KIF6: variants seen among roughly 807,000 people sequenced by gnomAD.
KIF6 encodes kinesin-like protein KIF6.
A neutral mutation model predicts 112.7 loss-of-function variants in KIF6; 106 were observed. The ratio of observed to expected loss-of-function variants is 0.94; its 90% CI spans 0.80 to 1.11. The LOEUF (loss-of-function observed/expected upper bound fraction) is 1.11, where lower values mean the gene tolerates loss of function less well. Ranked by LOEUF, KIF6 falls within the 50% of genes least tolerant of loss-of-function variation. KIF6 has a pLI of 0.00. For missense variants in KIF6, 929 were observed against 964.0 expected (o/e 0.96, Z 0.48); for synonymous variants, 339 against 339.9 (o/e 1.00, Z 0.03).
chr6:39,436,862 T>G (rs1236377227), intron 13 of KIF6, among the ~76,000 whole-genome samples: 1 of 152,188 alleles, frequency 6.6e-6, no homozygotes, highest in Non-Finnish European at 1.5e-5. Flanking sequence ...CTTTTTTTGG[T>G]TCCATATTAA....
rs554015785 is a variant in KIF6, at chr6:39,591,665, C to T, written c.846+4389G>A. Among the ~76,000 whole-genome samples, 10 of 152,278 alleles carry T rather than the reference C, an allele frequency of 6.6e-5. No homozygotes were observed. The East Asian group carries it at 1.5e-3, about 24-fold the overall frequency. On this transcript the variant is annotated intron_variant, in intron 7 of 22. Coordinates refer to ENST00000287152, the MANE Select transcript of KIF6 (RefSeq NM_145027.6). ...GAGGAATACTATAAGCCCAGCCCAC[C>T]TGGAGCAGATGTAAAACTTTGGAAT...
intron 13 of KIF6, among the ~76,000 whole-genome samples, chr6:39,528,843 A>C (rs1429018970): frequency 6.6e-6 from 1 of 152,238 alleles, no homozygotes; most frequent in Non-Finnish European, 1.5e-5. Flanking sequence ...GAATTCCAAA[A>C]TCATTTTTCA....
chr6:39,639,123 T>C (rs1784776838), intron 4 of KIF6, among the ~76,000 whole-genome samples: 1 of 152,136 alleles, frequency 6.6e-6, no homozygotes, highest in South Asian at 2.1e-4. Flanking sequence ...CAATAAATGA[T>C]ACATATAATC....
At chr6:39,529,924 T>C (rs370637894) in intron 13 of KIF6, among the ~76,000 whole-genome samples, 63 of 152,394 alleles carry the variant, frequency 4.1e-4, no homozygotes, top group African/African-American at 1.4e-3. Flanking sequence ...TTAACTTTCA[T>C]GTCACCTGCT....
chr6:39,559,028 A>G (rs767582452), intron 10 of KIF6, among the ~76,000 whole-genome samples: 1 of 152,204 alleles, frequency 6.6e-6, no homozygotes, highest in Non-Finnish European at 1.5e-5. Flanking sequence ...TTTGGTTTTA[A>G]TATCTTCAAA....
chr6:39,627,055 G>GAA (rs1784129278), intron 5 of KIF6, among the ~76,000 whole-genome samples: 1 of 151,984 alleles, frequency 6.6e-6, no homozygotes, highest in African/African-American at 2.4e-5. Context: ...AATCTCCAAG[G>GAA]GCTACACCTT....
intron 20 of KIF6, among the ~76,000 whole-genome samples, chr6:39,346,081 T>TCTCTCTCCCTCTCC (rs1763719345): frequency 4.2e-5 from 1 of 23,898 alleles, no homozygotes. Flanking sequence ...TCTCTCTCTC[T>TCTCTCTCCCTCTCC]CTCTCCCCCC....
intron 15 of KIF6, among the ~76,000 whole-genome samples, chr6:39,404,858 T>C (rs1768974915): frequency 6.6e-6 from 1 of 151,822 alleles, no homozygotes. Flanking sequence ...TAGAGTTTGT[T>C]GGGTTTCAAT....
chr6:39,475,244 G>T (rs1403731985), intron 13 of KIF6, among the ~76,000 whole-genome samples: 3 of 152,144 alleles, frequency 2.0e-5, no homozygotes, highest in Non-Finnish European at 4.4e-5. Context: ...CCTCATATGG[G>T]TGTTCTGGGG....
At chr6:39,600,625 T>G (rs1442905333) in intron 6 of KIF6, among the ~76,000 whole-genome samples, 1 of 152,108 alleles carries the variant, frequency 6.6e-6, no homozygotes, top group African/African-American at 2.4e-5. Context: ...TACTCTCCAG[T>G]CACTTTCTCC....
chr6:39,363,748 C>T (rs371079538), intron 16 of KIF6, among the ~76,000 whole-genome samples: 1 of 152,132 alleles, frequency 6.6e-6, no homozygotes, highest in South Asian at 2.1e-4. Context: ...GTTATTATGC[C>T]CATTTTACAG....
intron 13 of KIF6, among the ~76,000 whole-genome samples, chr6:39,504,863 T>C (rs759178136): frequency 6.6e-6 from 1 of 152,152 alleles, no homozygotes; most frequent in Non-Finnish European, 1.5e-5. Flanking sequence ...TACAGACAAA[T>C]GGAAAAACAT....
In KIF6 at chr6:39,584,417, T is replaced by TACAAAAAAAAAAAAAAAAAAAAAAAAAA. The variant is rs1481333003; in HGVS notation, c.1077+480_1077+481insTTTTTTTTTTTTTTTTTTTTTTTTTTGT. Among the ~76,000 whole-genome samples, 10 of 46,064 alleles carry TACAAAAAAAAAAAAAAAAAAAAAAAAAA rather than the reference T, an allele frequency of 2.2e-4. 3 individuals are homozygous for TACAAAAAAAAAAAAAAAAAAAAAAAAAA. Among genetic ancestry groups the TACAAAAAAAAAAAAAAAAAAAAAAAAAA allele is most frequent in the Admixed American group, 6.1e-4 (2 of 3,254 alleles). The allele number at this position is 46,064 out of a possible 152,430, so 30.2% of individuals were successfully genotyped here. A position where few individuals can be genotyped will look rare whatever the true frequency, so the allele number is the denominator to read the frequency against. On this transcript the variant is annotated intron_variant, in intron 9 of 22. Coordinates refer to ENST00000287152, the MANE Select transcript of KIF6 (RefSeq NM_145027.6). ...TCCAGCCTGAGCAAGACTCTGTCTC[T>TACAAAAAAAAAAAAAAAAAAAAAAAAAA]AAAAAAAAAAAAAAAAAAAAAAAAA... is the stretch of plus-strand genomic sequence containing the variant.
At chr6:39,519,864 A>G (rs925546464) in intron 13 of KIF6, among the ~76,000 whole-genome samples, 1 of 152,122 alleles carries the variant, frequency 6.6e-6, no homozygotes, top group African/African-American at 2.4e-5. Flanking sequence ...TCTAATAAAA[A>G]TACAAAAATA....
chr6:39,486,886 C>T (rs1374377647), intron 13 of KIF6, among the ~76,000 whole-genome samples: 1 of 151,978 alleles, frequency 6.6e-6, no homozygotes, highest in Non-Finnish European at 1.5e-5. Flanking sequence ...TAGATATAAC[C>T]CAGAATGAAA....
intron 3 of KIF6, among the ~76,000 whole-genome samples, chr6:39,705,276 T>G (rs1211027360): frequency 6.6e-6 from 1 of 152,178 alleles, no homozygotes; most frequent in Non-Finnish European, 1.5e-5. Context: ...TTCTAACAAG[T>G]GCCCAGGTAA....
At chr6:39,555,783 T>A (rs1010528934) in intron 10 of KIF6, among the ~76,000 whole-genome samples, 5 of 151,646 alleles carry the variant, frequency 3.3e-5, no homozygotes, top group Admixed American at 3.3e-4. Flanking sequence ...TGAAACCCCG[T>A]CTCTACTAAA....
At chr6:39,617,621 A>G (rs1783590306) in intron 5 of KIF6, 1 of 433,060 alleles carries the variant, frequency 2.3e-6, no homozygotes, top group Admixed American at 2.4e-5. Context: ...TTATCACGAC[A>G]AATGTCTGTC....
intron 3 of KIF6, among the ~76,000 whole-genome samples, chr6:39,708,680 G>T (rs143862137): frequency 6.6e-6 from 1 of 152,088 alleles, no homozygotes; most frequent in Non-Finnish European, 1.5e-5. Flanking sequence ...ACATAGATTG[G>T]CTCTATTAGA....
Sources: gnomAD v4.1 joint callset for allele counts (sites outside exome capture counted in the v4.1 genomes callset) on GRCh38, gnomAD v4.1.1 for gene constraint, MANE v1.5 for transcripts, NCBI Gene and HGNC (gene_info 2026-07-23, HGNC 2026-07-21) for gene names.